ANKS1B: variants seen among roughly 807,000 people sequenced by gnomAD.
The protein encoded by ANKS1B is ankyrin repeat and sterile alpha motif domain containing 1B.
Under a neutral mutation model 148.3 loss-of-function variants are expected in ANKS1B, and 36 were observed. The ratio of observed to expected loss-of-function variants is 0.24; its 90% CI spans 0.19 to 0.32. The LOEUF is 0.32. ANKS1B is among the 10% of genes least tolerant of loss of function. ANKS1B has a pLI of 1.00. For synonymous variants in ANKS1B, 542 were observed against 560.8 expected (o/e 0.97, Z 0.47); for missense variants, 1,157 against 1,542.6 (o/e 0.75, Z 4.19).
chr12:99,590,895 C>T (rs1489665684), intron 9 of ANKS1B, among the ~76,000 whole-genome samples: 1 of 152,056 alleles, frequency 6.6e-6, no homozygotes, highest in African/African-American at 2.4e-5. Context: ...CAGAGATCAC[C>T]CTGATTTTAC....
chr12:99,119,521 T>C (rs1462331909), intron 15 of ANKS1B, among the ~76,000 whole-genome samples: 3 of 152,248 alleles, frequency 2.0e-5, no homozygotes, highest in Non-Finnish European at 4.4e-5. Flanking sequence ...AATATATTGC[T>C]GAACTTTGGT....
At chr12:99,692,066 GT>G (rs1443332291) in intron 8 of ANKS1B, among the ~76,000 whole-genome samples, 2 of 152,190 alleles carry the variant, frequency 1.3e-5, no homozygotes, top group Non-Finnish European at 2.9e-5. Flanking sequence ...GTGAAAATTT[GT>G]TGTTAAAAGT....
At chr12:99,463,752 T>C (rs1220715603) in intron 10 of ANKS1B, among the ~76,000 whole-genome samples, 1 of 152,174 alleles carries the variant, frequency 6.6e-6, no homozygotes, top group Non-Finnish European at 1.5e-5. Flanking sequence ...GCGCCCGCCA[T>C]TGCCCAGGCT....
At chr12:99,522,834 G>A (rs1446162627) in intron 9 of ANKS1B, among the ~76,000 whole-genome samples, 1 of 152,134 alleles carries the variant, frequency 6.6e-6, no homozygotes, top group Non-Finnish European at 1.5e-5. Flanking sequence ...TTAGTATTGG[G>A]AATGATCTGG....
chr12:99,139,829 G>A (rs2069959775), intron 15 of ANKS1B, among the ~76,000 whole-genome samples: 1 of 151,920 alleles, frequency 6.6e-6, no homozygotes, highest in Admixed American at 6.6e-5. Flanking sequence ...AGGAATGAAT[G>A]GATAACCCTC....
intron 16 of ANKS1B, among the ~76,000 whole-genome samples, chr12:99,064,690 T>C (rs958802018): frequency 1.3e-5 from 2 of 152,234 alleles, no homozygotes; most frequent in Non-Finnish European, 2.9e-5. Context: ...TAACTCTATC[T>C]GTAGCAGCAC....
intron 12 of ANKS1B, among the ~76,000 whole-genome samples, chr12:99,304,118 A>G (rs1225626906): frequency 1.3e-5 from 2 of 152,066 alleles, no homozygotes; most frequent in African/African-American, 4.8e-5. Context: ...CTTTTTCACT[A>G]GATAGATACC....
At chr12:99,243,268 A>G (rs567198112) in intron 14 of ANKS1B, among the ~76,000 whole-genome samples, 2 of 152,368 alleles carry the variant, frequency 1.3e-5, no homozygotes, top group South Asian at 4.1e-4. Context: ...CAACAGACAC[A>G]TGAAAAAATG....
Position 99,449,899 on chromosome 12 carries a change from CTATCT to C in ANKS1B, c.1439-6095_1439-6091del, listed in dbSNP as rs1567122938. Reference sequence around the variant, plus strand: ...GGACCAACAGGATCTATCCATCTATCTATCTATCTATCTATCTATCTATCTATCTA... The same window carrying C: ...GGACCAACAGGATCTATCCATCTATCATCTATCTATCTATCTATCTATCTA... On this transcript the variant is annotated intron_variant, in intron 10 of 26. Coordinates refer to ENST00000683438, the MANE Select transcript of ANKS1B (RefSeq NM_001352186.2). Among the ~76,000 whole-genome samples the C allele has an allele frequency of 3.4e-3, 40 of 11,810 alleles. No individual in the cohort carries two copies. In the South Asian group the frequency reaches 0.08, roughly 24 times the overall value. 7.7% of individuals were successfully genotyped at this position (11,810 alleles called of 152,430 possible).
At chr12:98,958,948 T>A (rs890531453) in intron 17 of ANKS1B, among the ~76,000 whole-genome samples, 1 of 152,228 alleles carries the variant, frequency 6.6e-6, no homozygotes, top group African/African-American at 2.4e-5. Context: ...AGGTGATGAT[T>A]ATAAGTGCCT....
intron 8 of ANKS1B, among the ~76,000 whole-genome samples, chr12:99,718,584 C>T (rs2057713693): frequency 6.6e-6 from 1 of 152,178 alleles, no homozygotes; most frequent in African/African-American, 2.4e-5. Flanking sequence ...CTTACAATTC[C>T]CCTATTTTAC....
At position 99,453,057 on chromosome 12, in the gene ANKS1B, A is replaced by G. The variant is rs377434174; in HGVS notation, c.1439-9248T>C. Among the ~76,000 whole-genome samples, 687 of 152,238 alleles carry G rather than the reference A, an allele frequency of 4.5e-3. 5 individuals are homozygous for G. Among genetic ancestry groups the G allele is most frequent in the South Asian group, 0.01 (50 of 4,824 alleles). On this transcript the variant is annotated intron_variant, in intron 10 of 26. Coordinates refer to ENST00000683438, the MANE Select transcript of ANKS1B (RefSeq NM_001352186.2). ...TGTAATCCTAGCACTTTGGGAGGCC[A>G]AGGTGGGCGGATCACAAGGTCAGGA... is the stretch of plus-strand genomic sequence containing the variant.
chr12:99,476,627 G>A (rs982360794), intron 10 of ANKS1B, among the ~76,000 whole-genome samples: 3 of 152,088 alleles, frequency 2.0e-5, no homozygotes, highest in Non-Finnish European at 4.4e-5. Context: ...AGTAGCTGAG[G>A]AAGTACTAAT....
chr12:98,744,745 T>G lies in ANKS1B; in HGVS notation c.*994A>C. ...TTTGCAATAGAATTTTATTAACACCTTTCTCAAACAAGGTTTCCATGACAG... is the reference window on the plus strand; with the variant it reads ...TTTGCAATAGAATTTTATTAACACCGTTCTCAAACAAGGTTTCCATGACAG... On this transcript the variant is annotated 3_prime_UTR_variant, in exon 27 of 27. Coordinates refer to ENST00000683438, the MANE Select transcript of ANKS1B (RefSeq NM_001352186.2). 3 of 984,544 alleles carry G rather than the reference T, an allele frequency of 3.0e-6. No homozygotes were observed. Among genetic ancestry groups the G allele is most frequent in the Non-Finnish European group, 2.4e-6 (2 of 829,314 alleles). 61.0% of individuals were successfully genotyped at this position (984,544 alleles called of 1,614,324 possible). A position where few individuals can be genotyped will look rare whatever the true frequency, so the allele number is the denominator to read the frequency against.
intron 22 of ANKS1B, among the ~76,000 whole-genome samples, chr12:98,785,655 A>G (rs1435899521): frequency 2.0e-5 from 3 of 151,936 alleles, no homozygotes; most frequent in Admixed American, 6.6e-5. Context: ...CTCCTTCCCC[A>G]TTTTCTCTTC....
rs10543431 is a variant in ANKS1B at position 99,095,026 on chromosome 12, TG to T, written c.2527-10004del. Among the ~76,000 whole-genome samples, 202 of 149,592 alleles carry T rather than the reference TG, an allele frequency of 1.4e-3. 2 individuals carry two copies. Among genetic ancestry groups the T allele is most frequent in the African/African-American group, 3.5e-3 (144 of 40,832 alleles). ...GGGAGACTATGGGAATGGGTCTCAC[TG>T]GGGGGGGGGTCAAGTCTCCAAGCCA... On this transcript the variant is annotated intron_variant, in intron 15 of 26. Coordinates refer to ENST00000683438, the MANE Select transcript of ANKS1B (RefSeq NM_001352186.2).
intron 1 of ANKS1B, among the ~76,000 whole-genome samples, chr12:99,978,524 A>C (rs2046349242): frequency 1.3e-5 from 2 of 152,210 alleles, no homozygotes; most frequent in Non-Finnish European, 2.9e-5. Context: ...ACCCACTTGC[A>C]ACTTGACTAT....
At chr12:99,065,324 C>A (rs1054381635) in intron 16 of ANKS1B, among the ~76,000 whole-genome samples, 3 of 152,104 alleles carry the variant, frequency 2.0e-5, no homozygotes, top group Admixed American at 2.0e-4. Flanking sequence ...ATAATGAATG[C>A]CCTGAATGTC....
intron 11 of ANKS1B, among the ~76,000 whole-genome samples, chr12:99,428,645 C>G (rs556652642): frequency 9.2e-5 from 14 of 152,164 alleles, no homozygotes; most frequent in African/African-American, 3.1e-4. Context: ...CATACCCAGA[C>G]CCACGTGCAT....
Sources: gnomAD v4.1 joint callset for allele counts (sites outside exome capture counted in the v4.1 genomes callset) on GRCh38, gnomAD v4.1.1 for gene constraint, MANE v1.5 for transcripts, NCBI Gene and HGNC (gene_info 2026-07-23, HGNC 2026-07-21) for gene names.